RHBDD1: variants seen among roughly 807,000 people sequenced by gnomAD.
RHBDD1 encodes rhomboid domain containing 1.
A neutral mutation model predicts 36.3 loss-of-function variants in RHBDD1; 38 were observed. The ratio of observed to expected loss-of-function variants is 1.05; its 90% CI spans 0.81 to 1.37. The LOEUF (loss-of-function observed/expected upper bound fraction) is 1.37. Among genes scored for constraint, RHBDD1 ranks in the 40% most tolerant of loss-of-function variants. The pLI, the probability that RHBDD1 is intolerant of heterozygous loss-of-function variation, is 0.00. For missense variants in RHBDD1, 393 were observed against 377.6 expected, an observed-to-expected ratio of 1.04 and a Z score of -0.34; for synonymous variants, 151 against 136.5, an observed-to-expected ratio of 1.11 and a Z score of -0.74.
chr2:226,935,537 G>T (rs1375899793), intron 8 of RHBDD1: 1 of 152,088 alleles, frequency 6.6e-6, no homozygotes, highest in Non-Finnish European at 1.5e-5. Context: ...AAGAAAAAAC[G>T]ATGGGAATTT....
At chr2:226,878,982 TA>T (rs1945477069) in intron 5 of RHBDD1, among the ~76,000 whole-genome samples, 1 of 146,366 alleles carries the variant, frequency 6.8e-6, no homozygotes, top group African/African-American at 2.6e-5. Context: ...ACCCATCAAG[TA>T]AGAGAGTTTT....
chr2:226,820,036 T>C, the RHBDD1 span, among the ~76,000 whole-genome samples: 6 of 150,422 alleles, frequency 4.0e-5, no homozygotes, highest in Non-Finnish European at 8.9e-5. Flanking sequence ...CTAGGGCAGC[T>C]GAAGATCTGT....
At chr2:226,942,817 TAGAAA>T (rs952800279) in intron 8 of RHBDD1, among the ~76,000 whole-genome samples, 1 of 152,214 alleles carries the variant, frequency 6.6e-6, no homozygotes, top group Non-Finnish European at 1.5e-5. Context: ...GTTTTCCTTT[TAGAAA>T]AGAAATGATT....
chr2:226,973,639 G>T (rs2149358492), intron 8 of RHBDD1, among the ~76,000 whole-genome samples: 1 of 152,306 alleles, frequency 6.6e-6, no homozygotes, highest in East Asian at 1.9e-4. Context: ...TTTTCTTCCA[G>T]AGACAAAGGT....
chr2:226,835,674 G>C (rs1940883569), upstream of RHBDD1: 1 of 152,344 alleles, frequency 6.6e-6, no homozygotes, highest in South Asian at 2.1e-4. Flanking sequence ...GTAGGCGGCC[G>C]CGACCCGCTC....
In RHBDD1 at chr2:226,865,099, A is replaced by G. The variant is rs754915002; in HGVS notation, c.406A>G (p.Lys136Glu). 4 of 1,613,814 alleles carry G rather than the reference A, an allele frequency of 2.5e-6. No homozygotes were observed. The highest frequency in any genetic ancestry group is 3.4e-6 in the Non-Finnish European group (4 of 1,179,956). ...CGAATTTATGGATGAACCTGACTTC[A>G]AAAGGAGCTGTGCTGTAGGTTTCTC... ...VAEFMDEPDFKRSCAVGFSGV... is the reference protein window; with the variant it reads ...VAEFMDEPDFERSCAVGFSGV... The change falls in exon 4 of 9, where the codon AAA (lysine) becomes GAA (glutamate). Residue 136 changes from lysine to glutamate, a missense_variant. Physicochemically the swap from Lys to Glu is moderately conservative, Grantham distance 56. Transcript: ENST00000392062.
chr2:226,969,472 T>C (rs1279685707), intron 8 of RHBDD1, among the ~76,000 whole-genome samples: 1 of 151,464 alleles, frequency 6.6e-6, no homozygotes. Context: ...GAGTCATTTA[T>C]TATAAATGTG....
At chr2:226,966,616 C>A (rs903343917) in intron 8 of RHBDD1, among the ~76,000 whole-genome samples, 4 of 152,194 alleles carry the variant, frequency 2.6e-5, no homozygotes. Flanking sequence ...GTGCCTGATA[C>A]ATAATTTTAA....
intron 8 of RHBDD1, among the ~76,000 whole-genome samples, chr2:226,927,358 T>C (rs906584412): frequency 3.3e-5 from 5 of 152,198 alleles, no homozygotes; most frequent in Non-Finnish European, 7.4e-5. Flanking sequence ...TTTTGTTTTT[T>C]TGTTTTAATC....
At chr2:226,944,171 A>G (rs1950828752) in intron 8 of RHBDD1, among the ~76,000 whole-genome samples, 1 of 152,218 alleles carries the variant, frequency 6.6e-6, no homozygotes. Context: ...ATGGCTGTGC[A>G]GGATGTTTTG....
rs755340585 is a variant in RHBDD1 at position 226,942,701 on chromosome 2, TTTTG to T, written c.856+28359_856+28362del. 97 of 155,446 alleles carry T rather than the reference TTTTG, an allele frequency of 6.2e-4. 1 individual carries two copies. The highest frequency in any genetic ancestry group is 1.2e-3 in the Middle Eastern group (2 of 1,672). 9.6% of individuals were successfully genotyped at this position (155,446 alleles called of 1,614,324 possible). A position where few individuals can be genotyped will look rare whatever the true frequency, so the allele number is the denominator to read the frequency against. On this transcript the variant is annotated intron_variant, in intron 8 of 8. Coordinates refer to ENST00000392062, the MANE Select transcript of RHBDD1 (RefSeq NM_001167608.3). ...ATTCATATATGTTTAGCTAAGTTTT[TTTTG>T]TTTGTTTGGTTTGGATTTTTTTTAA...
the RHBDD1 span, among the ~76,000 whole-genome samples, chr2:226,825,533 G>A: frequency 6.6e-6 from 1 of 152,000 alleles, no homozygotes; most frequent in Non-Finnish European, 1.5e-5. Flanking sequence ...TCCTAAAATA[G>A]AAAAATGTAG....
intron 5 of RHBDD1, among the ~76,000 whole-genome samples, chr2:226,878,565 A>T (rs1325866868): frequency 6.6e-6 from 1 of 152,166 alleles, no homozygotes; most frequent in African/African-American, 2.4e-5. Flanking sequence ...AGCTTTCCCG[A>T]TGTCACCAGG....
chr2:226,915,396 A>G (rs1250098530), intron 8 of RHBDD1, among the ~76,000 whole-genome samples: 2 of 152,178 alleles, frequency 1.3e-5, no homozygotes, highest in African/African-American at 4.8e-5. Context: ...GTGGGAAGCT[A>G]GGCTGGGTCC....
intron 8 of RHBDD1, among the ~76,000 whole-genome samples, chr2:226,948,564 T>TAAAAAAAAAAAAAAAAAA (rs56325989): frequency 4.2e-5 from 1 of 23,556 alleles, no homozygotes; most frequent in African/African-American, 1.8e-4. Context: ...ACTTAAAGTA[T>TAAAAAAAAAAAAAAAAAA]AAAAAAAAAA....
In RHBDD1 at chr2:226,992,592, G is replaced by A. The variant is rs567235023; in HGVS notation, c.857-2839G>A. On this transcript the variant is annotated intron_variant, in intron 8 of 8. Coordinates refer to ENST00000392062, the MANE Select transcript of RHBDD1 (RefSeq NM_001167608.3). ...GCCAGTGGAATTTAAGGAGACCCACGTGGGAACTTTAGAGTTACGTCTTTG... is the reference window on the plus strand; with the variant it reads ...GCCAGTGGAATTTAAGGAGACCCACATGGGAACTTTAGAGTTACGTCTTTG... Among the ~76,000 whole-genome samples, 6 of 152,330 alleles carry A rather than the reference G, an allele frequency of 3.9e-5. No homozygotes were observed. In the East Asian group the frequency reaches 7.7e-4, roughly 20 times the overall value.
intron 8 of RHBDD1, among the ~76,000 whole-genome samples, chr2:226,940,016 A>AG (rs1950566588): frequency 6.6e-6 from 1 of 152,178 alleles, no homozygotes; most frequent in Non-Finnish European, 1.5e-5. Context: ...CAATAGGGAA[A>AG]GGATTCCCTA....
chr2:226,950,182 C>T (rs887072145), intron 8 of RHBDD1, among the ~76,000 whole-genome samples: 8 of 152,156 alleles, frequency 5.3e-5, no homozygotes, highest in African/African-American at 1.9e-4. Flanking sequence ...AAATTTTGTA[C>T]CCTTTGACCC....
At chr2:226,852,921 T>A (rs1292096766) in intron 3 of RHBDD1, among the ~76,000 whole-genome samples, 1 of 146,482 alleles carries the variant, frequency 6.8e-6, no homozygotes, top group Non-Finnish European at 1.5e-5. Context: ...TTATTATTAT[T>A]ATTATTATTA....
Sources: allele counts gnomAD v4.1 joint callset (sites outside exome capture counted in the v4.1 genomes callset), GRCh38; gene constraint gnomAD v4.1.1; transcripts MANE v1.5; gene names NCBI Gene and HGNC (gene_info 2026-07-23, HGNC 2026-07-21).